The following SULT1A2 variants were observed in gnomAD, a reference collection of about 807,000 sequenced individuals.
SULT1A2 encodes sulfotransferase 1A2.
A neutral mutation model predicts 36.0 loss-of-function variants in SULT1A2; 33 were observed. The ratio of observed to expected loss-of-function variants is 0.92; its 90% CI spans 0.69 to 1.22. The LOEUF (loss-of-function observed/expected upper bound fraction) is 1.22. SULT1A2 is among the 50% of genes most tolerant of loss of function. The pLI is 0.00. For missense variants in SULT1A2, 367 were observed against 383.2 expected (o/e 0.96, Z 0.35); for synonymous variants, 138 against 144.5 (o/e 0.96, Z 0.32).
intron 4 of SULT1A2, 75 bp downstream of exon 4, chr16:28,595,292 G>A: frequency 1.3e-6 from 2 of 1,578,154 alleles, no homozygotes; most frequent in Non-Finnish European, 1.7e-6. Flanking sequence ...GGAACTTCTG[G>A]CTTCAAGGGA....
At chr16:28,596,483 C>A in intron 1 of SULT1A2, 2 of 676,964 alleles carry the variant, frequency 3.0e-6, no homozygotes, top group Non-Finnish European at 4.0e-6. Context: ...GGACAAACAG[C>A]CCATTGAGCA....
intron 4 of SULT1A2, among the ~76,000 whole-genome samples, chr16:28,593,970 A>T (rs150452695): frequency 6.6e-6 from 1 of 152,178 alleles, no homozygotes; most frequent in African/African-American, 2.4e-5. Flanking sequence ...AGATGAGACA[A>T]GTCTGGAGGA....
chr16:28,594,366 T>C (rs2151663673), intron 4 of SULT1A2, among the ~76,000 whole-genome samples: 1 of 152,278 alleles, frequency 6.6e-6, no homozygotes, highest in South Asian at 2.1e-4. Context: ...GGTCTGGAAC[T>C]CCTGAGCTCA....
At chr16:28,596,487 T>C (rs542522996) in intron 1 of SULT1A2, 19 of 645,720 alleles carry the variant, frequency 2.9e-5, no homozygotes, top group African/African-American at 2.0e-4. Context: ...AAACAGCCCA[T>C]TGAGCAACTG....
At chr16:28,596,043 C>G (rs2047056831) in intron 1 of SULT1A2, 109 bp from the exon 2 acceptor site, 1 of 1,572,594 alleles carries the variant, frequency 6.4e-7, no homozygotes, top group South Asian at 1.2e-5. Flanking sequence ...GGCTGAGTGA[C>G]TTGCCCGCAC....
intron 4 of SULT1A2, among the ~76,000 whole-genome samples, chr16:28,594,585 T>C (rs1305191341): frequency 1.3e-5 from 2 of 152,118 alleles, no homozygotes; most frequent in African/African-American, 4.8e-5. Flanking sequence ...CCCGAGTAGC[T>C]GGGATTACTG....
Position 28,595,952 on chromosome 16 carries a change from G to A in SULT1A2, c.-4-18C>T. 1 of 1,602,480 alleles carries A rather than the reference G, an allele frequency of 6.2e-7. No individual in the cohort carries two copies. Among genetic ancestry groups the A allele is most frequent in the Non-Finnish European group, 8.5e-7 (1 of 1,174,002 alleles). ...CCATGTTCCTGCGTCAGGGGCCAGA[G>A]CCAGGCCCGTTCCCTTACCACCATC... On this transcript the variant is annotated intron_variant, in intron 1 of 7. Coordinates refer to ENST00000335715, the MANE Select transcript of SULT1A2 (RefSeq NM_001054.4).
Position 28,592,257 on chromosome 16 carries a change from A to G in SULT1A2, c.775+6T>C, listed in dbSNP as rs2151657669. ...GCTCCAAACCCCCGTGCTGGCCGGC[A>G]CCTACCTTTCCTCATGAAGGGGGAG... On this transcript the variant is annotated splice_donor_region_variant and intron_variant, in intron 7 of 7. Transcript: ENST00000335715. 6.2e-7 allele frequency: 1 copy of G among 1,613,912 alleles called. No individual in the cohort carries two copies. The highest frequency in any genetic ancestry group is 1.1e-5 in the South Asian group (1 of 91,076).
intron 4 of SULT1A2, 96 bp downstream of exon 4, chr16:28,595,269 AAG>A: frequency 1.3e-6 from 2 of 1,497,844 alleles, no homozygotes; most frequent in Non-Finnish European, 1.8e-6. Context: ...TTTTTTTTGG[AAG>A]AGACTTATCT....
rs769021066 is a variant in SULT1A2 at position 28,593,346 on chromosome 16, A to G, written c.500T>C (p.Val167Ala). Residue 167 changes from valine (V) to alanine (A), a missense_variant and splice_region_variant, in exon 6 of 8, where the codon GTG (valine) becomes GCG (alanine). Transcript: ENST00000335715. ...SFLEKFMAGE[V>A]SYGSWYQHVQ... ...GTGCTGGTACCAGGACCCATAGGAC[A>G]CTGGAGAAGCGGGCAGGGAGTGCCG... 7.4e-6 allele frequency: 12 copies of G among 1,614,034 alleles called. No individual in the cohort carries two copies. Among genetic ancestry groups the G allele is most frequent in the South Asian group, 3.3e-5 (3 of 91,090 alleles).
intron 6 of SULT1A2, among the ~76,000 whole-genome samples, chr16:28,592,941 G>C (rs747342144): frequency 2.6e-5 from 4 of 152,118 alleles, no homozygotes; most frequent in Non-Finnish European, 5.9e-5. Flanking sequence ...GAACCTGGGA[G>C]GGGGGGTTAC....
intron 1 of SULT1A2, chr16:28,596,198 G>A: frequency 7.2e-7 from 1 of 1,387,424 alleles, no homozygotes; most frequent in Non-Finnish European, 9.4e-7. Context: ...ACCAGTGAAA[G>A]CACCCTCGTG....
At chr16:28,596,506 T>C (rs764682622) in intron 1 of SULT1A2, 10 of 541,076 alleles carry the variant, frequency 1.8e-5, no homozygotes, top group East Asian at 9.6e-5. Flanking sequence ...TGAGCTGGTA[T>C]TGGGGGCCAG....
At chr16:28,594,797 T>TTTTTTA (rs2047039674) in intron 4 of SULT1A2, among the ~76,000 whole-genome samples, 1 of 142,806 alleles carries the variant, frequency 7.0e-6, no homozygotes. Flanking sequence ...TTTTTTTTTT[T>TTTTTTA]GAGACAGAGT....
chr16:28,595,194 TCCTC>T (rs564600841), intron 4 of SULT1A2, among the ~76,000 whole-genome samples, 169 bp downstream of exon 4: 21 of 152,086 alleles, frequency 1.4e-4, no homozygotes, highest in Non-Finnish European at 2.8e-4. Flanking sequence ...GCTCAGATGA[TCCTC>T]CCACCTCAGC....
chr16:28,595,219 G>T, intron 4 of SULT1A2, 148 bp downstream of exon 4: 3 of 1,023,520 alleles, frequency 2.9e-6, no homozygotes, highest in Non-Finnish European at 4.2e-6. Flanking sequence ...CTCCTGAGTA[G>T]CTGGTATTAC....
chr16:28,594,680 T>C (rs2047037426), intron 4 of SULT1A2, among the ~76,000 whole-genome samples: 1 of 149,252 alleles, frequency 6.7e-6, no homozygotes, highest in African/African-American at 2.5e-5. Context: ...CTCAAACTCC[T>C]AACCTTGGGT....
chr16:28,592,584 C>T, intron 6 of SULT1A2, 141 bp from the exon 7 acceptor site: 1 of 1,477,856 alleles, frequency 6.8e-7, no homozygotes, highest in South Asian at 1.2e-5. Flanking sequence ...CCCTGGGACC[C>T]CAGTCCCTGG....
chr16:28,595,882 C>T lies in SULT1A2; in HGVS notation c.49G>A (p.Gly17Arg), dbSNP rs1202561751. The part of the protein sequence containing the change: ...ISRPPLEYVK[G>R]VPLIKYFAEA... ...GCAAAGTACTTGATGAGCGGGACCCCCTTCACGTACTCCAGTGGCGGGCGA... is the reference window on the plus strand; with the variant it reads ...GCAAAGTACTTGATGAGCGGGACCCTCTTCACGTACTCCAGTGGCGGGCGA... The change falls in exon 2 of 8, where the codon GGG becomes AGG. Residue 17 changes from glycine (G) to arginine (R), a missense_variant. Transcript: ENST00000335715. 1.2e-6 allele frequency: 2 copies of T among 1,610,008 alleles called. No individual in the cohort carries two copies. The highest frequency in any genetic ancestry group is 1.1e-5 in the South Asian group (1 of 90,956).
Sources: allele counts gnomAD v4.1 joint callset (sites outside exome capture counted in the v4.1 genomes callset), GRCh38; gene constraint gnomAD v4.1.1; transcripts MANE v1.5; gene names NCBI Gene and HGNC (gene_info 2026-07-23, HGNC 2026-07-21).